GSR: variants seen among roughly 807,000 people sequenced by gnomAD.
GSR encodes glutathione reductase, mitochondrial.
Under a neutral mutation model 56.5 loss-of-function variants are expected in GSR, and 48 were observed. The ratio of observed to expected loss-of-function variants is 0.85; its 90% confidence interval spans 0.67 to 1.08. The LOEUF (loss-of-function observed/expected upper bound fraction) is 1.08. Among genes scored for constraint, GSR ranks in the 50% least tolerant of loss-of-function variants. GSR has a pLI of 0.00. For missense variants in GSR, 694 were observed against 703.3 expected, an observed-to-expected ratio of 0.99 and a Z score of 0.15; for synonymous variants, 264 against 270.8, an observed-to-expected ratio of 0.97 and a Z score of 0.25.
chr8:30,697,623 C>G (rs1179423978), intron 6 of GSR, among the ~76,000 whole-genome samples: 1 of 152,022 alleles, frequency 6.6e-6, no homozygotes, highest in African/African-American at 2.4e-5. Context: ...GCAAAAGACC[C>G]TATCTCAAAA....
chr8:30,707,777 A>C (rs1472662502), intron 4 of GSR, among the ~76,000 whole-genome samples: 1 of 152,080 alleles, frequency 6.6e-6, no homozygotes, highest in Non-Finnish European at 1.5e-5. Flanking sequence ...CAACATGGTG[A>C]AACCCTGTTT....
chr8:30,725,065 A>G (rs935648118), intron 1 of GSR, among the ~76,000 whole-genome samples: 1 of 152,164 alleles, frequency 6.6e-6, no homozygotes, highest in Non-Finnish European at 1.5e-5. Flanking sequence ...CACAACCACA[A>G]AATTCCTTAA....
In GSR at chr8:30,689,206, G is replaced by A; in HGVS notation, c.996C>T (p.Ala332=). Residue 332 remains alanine, a synonymous_variant, in exon 9 of 13, where the codon GCC becomes GCT. Transcript: ENST00000221130. ...CCTTGGTATTCGGGACCCGCCCAAT[G>A]GCCCAGAGCAGGCAGTCAACATCTG... ...MIPDVDCLLW[A]IGRVPNTKDL... 1 of 1,614,032 alleles carries A rather than the reference G, an allele frequency of 6.2e-7. No individual in the cohort carries two copies.
intron 9 of GSR, among the ~76,000 whole-genome samples, chr8:30,686,859 G>A (rs1194625917): frequency 7.4e-5 from 11 of 149,570 alleles, no homozygotes; most frequent in Non-Finnish European, 1.3e-4. Context: ...TTTTTGAGAC[G>A]GAGTTTTGCT....
At chr8:30,699,115 A>G (rs964249979) in intron 6 of GSR, among the ~76,000 whole-genome samples, 12 of 152,030 alleles carry the variant, frequency 7.9e-5, no homozygotes, top group Non-Finnish European at 1.3e-4. Context: ...ACGAGACCCC[A>G]TCTCTACAAA....
At chr8:30,693,761 TC>T (rs1400358252) in intron 7 of GSR, among the ~76,000 whole-genome samples, 3 of 152,160 alleles carry the variant, frequency 2.0e-5, no homozygotes, top group African/African-American at 7.2e-5. Context: ...ACTCCTGACC[TC>T]AGGTGATCCG....
chr8:30,706,482 G>GACAGAGCAAGATTCTGTTTC (rs1408519409), intron 4 of GSR, among the ~76,000 whole-genome samples: 3 of 152,070 alleles, frequency 2.0e-5, no homozygotes, highest in Admixed American at 6.6e-5. Flanking sequence ...CAGCCTGGGC[G>GACAGAGCAAGATTCTGTTTC]ACAGAGCAAG....
At chr8:30,713,443 C>G (rs996496022) in intron 1 of GSR, among the ~76,000 whole-genome samples, 1 of 152,120 alleles carries the variant, frequency 6.6e-6, no homozygotes, top group Non-Finnish European at 1.5e-5. Context: ...ACTGCAACCT[C>G]TGCCTCCCAG....
chr8:30,713,511 A>C (rs1480119290), intron 1 of GSR, among the ~76,000 whole-genome samples: 4 of 151,586 alleles, frequency 2.6e-5, no homozygotes, highest in African/African-American at 4.9e-5. Flanking sequence ...GGCGCCTGCC[A>C]TCCTGCCTGG....
chr8:30,723,665 G>A (rs1290602788), intron 1 of GSR, among the ~76,000 whole-genome samples: 3 of 151,910 alleles, frequency 2.0e-5, no homozygotes, highest in Admixed American at 1.3e-4. Context: ...GGTGGCCTGC[G>A]CCTGTAGTCC....
intron 4 of GSR, among the ~76,000 whole-genome samples, chr8:30,705,807 A>T (rs1803899600): frequency 6.6e-6 from 1 of 152,136 alleles, no homozygotes; most frequent in African/African-American, 2.4e-5. Flanking sequence ...TCAGCCTTAA[A>T]ATCTCCTGTG....
rs568529653 is a variant in GSR at position 30,696,488 on chromosome 8, C to T, written c.696-9G>A. 10 of 1,577,726 alleles carry T rather than the reference C, an allele frequency of 6.3e-6. No individual in the cohort carries two copies. Among genetic ancestry groups the T allele is most frequent in the South Asian group, 3.3e-5 (3 of 90,316 alleles). ...CAACAATGACGCTGCGGCTGAGACG[C>T]GAGCAGAGGGTTAGTATTCTTAAAT... is the stretch of plus-strand genomic sequence containing the variant. On this transcript the variant is annotated splice_polypyrimidine_tract_variant and intron_variant, in intron 6 of 12. Transcript: ENST00000221130.
chr8:30,712,504 A>G (rs6982734), intron 1 of GSR, among the ~76,000 whole-genome samples: 1 of 152,094 alleles, frequency 6.6e-6, no homozygotes, highest in Non-Finnish European at 1.5e-5. Flanking sequence ...AACAAGCGAG[A>G]CCACGTCTCT....
intron 9 of GSR, among the ~76,000 whole-genome samples, chr8:30,688,744 C>T (rs1244787212): frequency 6.6e-6 from 1 of 151,494 alleles, no homozygotes; most frequent in Non-Finnish European, 1.5e-5. Context: ...CATGGTGAAA[C>T]CTCATCTCTA....
rs753443491 is a variant in GSR at position 30,704,194 on chromosome 8, G to A, written c.493-954C>T. On this transcript the variant is annotated intron_variant, in intron 4 of 12. Coordinates refer to ENST00000221130, the MANE Select transcript of GSR (RefSeq NM_000637.5). The stretch of plus-strand genomic sequence containing the variant: ...ATAAAAATTAGCCAGAAGTGGTGGC[G>A]GGCACCTGTAATCCCAGCTGCTCAG... 4.6e-5 allele frequency among the ~76,000 whole-genome samples: 7 copies of A among 152,016 alleles called. No homozygotes were observed. In the East Asian group the frequency reaches 1.2e-3, roughly 25 times the overall value.
chr8:30,702,046 A>G (rs957441048), intron 5 of GSR, among the ~76,000 whole-genome samples: 9 of 151,814 alleles, frequency 5.9e-5, no homozygotes, highest in Non-Finnish European at 1.0e-4. Context: ...AAAAAAATAA[A>G]ATAATATAAA....
At chr8:30,716,640 T>C (rs764640423) in intron 1 of GSR, among the ~76,000 whole-genome samples, 2 of 152,004 alleles carry the variant, frequency 1.3e-5, no homozygotes, top group African/African-American at 2.4e-5. Flanking sequence ...AAACACTGTC[T>C]CTAGAAAAAA....
chr8:30,703,083 T>C lies in GSR; in HGVS notation c.640+10A>G, dbSNP rs1408020853. 9 of 1,613,550 alleles carry C rather than the reference T, an allele frequency of 5.6e-6. No homozygotes were observed. The highest frequency in any genetic ancestry group is 1.7e-4 in the Middle Eastern group (1 of 5,968). ...GACTGCTGTTAATGAGTACCTGTTGTATGACTCACCGGGGATCTGGCTCTC... is the reference window on the plus strand; with the variant it reads ...GACTGCTGTTAATGAGTACCTGTTGCATGACTCACCGGGGATCTGGCTCTC... On this transcript the variant is annotated intron_variant, in intron 5 of 12. Transcript: ENST00000221130.
At chr8:30,719,846 C>T (rs1179528680) in intron 1 of GSR, among the ~76,000 whole-genome samples, 1 of 152,138 alleles carries the variant, frequency 6.6e-6, no homozygotes, top group East Asian at 1.9e-4. Context: ...CTTCACATTG[C>T]CCATGTTGGC....
Sources: allele counts gnomAD v4.1 joint callset (sites outside exome capture counted in the v4.1 genomes callset), GRCh38; gene constraint gnomAD v4.1.1; transcripts MANE v1.5; gene names NCBI Gene and HGNC (gene_info 2026-07-23, HGNC 2026-07-21).